Variants in THSD4 observed in about 807,000 individuals in gnomAD.
The protein encoded by THSD4 is thrombospondin type 1 domain containing 4, also known as thrombospondin type-1 domain-containing protein 4.
In THSD4, 69 loss-of-function variants were observed where a neutral mutation model predicts 119.0. The ratio of observed to expected loss-of-function variants is 0.58; its 90% CI spans 0.48 to 0.71. The LOEUF (loss-of-function observed/expected upper bound fraction) is 0.71, where lower values mean the gene tolerates loss of function less well. THSD4 is among the 30% of genes least tolerant of loss of function. THSD4 has a pLI of 0.00. For missense variants in THSD4, 1,393 were observed against 1,391.1 expected, an observed-to-expected ratio of 1.00 and a Z score of -0.02; for synonymous variants, 524 against 540.4, an observed-to-expected ratio of 0.97 and a Z score of 0.42.
chr15:71,189,945 C>T (rs1596258586), intron 3 of THSD4, among the ~76,000 whole-genome samples: 2 of 152,264 alleles, frequency 1.3e-5, no homozygotes, highest in African/African-American at 4.8e-5. Flanking sequence ...TGCTGATGCT[C>T]ATCCCGCCCA....
At chr15:71,708,111 G>C (rs561208591) in intron 8 of THSD4, among the ~76,000 whole-genome samples, 1 of 152,324 alleles carries the variant, frequency 6.6e-6, no homozygotes, top group African/African-American at 2.4e-5. Flanking sequence ...TGTGACTTCT[G>C]TCTGCCCAAC....
chr15:71,356,016 C>T (rs148389868), intron 6 of THSD4, among the ~76,000 whole-genome samples: 2 of 152,076 alleles, frequency 1.3e-5, no homozygotes, highest in South Asian at 2.1e-4. Context: ...TACAGGCGTG[C>T]GTCACCACAC....
At chr15:71,423,222 C>T (rs11072282) in intron 7 of THSD4, among the ~76,000 whole-genome samples, 33,334 of 152,030 alleles carry the variant, frequency 0.22, 4,040 homozygotes, top group Middle Eastern at 0.36. Flanking sequence ...AGACAAAGTC[C>T]CCTTTACTCT....
chr15:71,234,121 C>T (rs933901492), intron 4 of THSD4, among the ~76,000 whole-genome samples: 24 of 152,336 alleles, frequency 1.6e-4, no homozygotes, highest in African/African-American at 5.5e-4. Flanking sequence ...CACCCACTCT[C>T]AGGTGGGCCC....
chr15:71,718,295 A>G (rs2141106629), intron 8 of THSD4, among the ~76,000 whole-genome samples: 1 of 152,224 alleles, frequency 6.6e-6, no homozygotes, highest in East Asian at 1.9e-4. Flanking sequence ...CTACAATGAG[A>G]CCCATTGACA....
intron 1 of THSD4, among the ~76,000 whole-genome samples, chr15:71,135,406 A>G (rs1458736124): frequency 1.3e-5 from 2 of 151,076 alleles, no homozygotes; most frequent in Non-Finnish European, 3.0e-5. Flanking sequence ...AAAAAAAAAA[A>G]AAGAAGAAGC....
intron 8 of THSD4, among the ~76,000 whole-genome samples, chr15:71,662,806 G>A (rs1240615379): frequency 6.6e-6 from 1 of 152,126 alleles, no homozygotes; most frequent in Non-Finnish European, 1.5e-5. Context: ...TTCAGACTCG[G>A]CAGAGCCCCT....
chr15:71,512,379 G>A (rs1457968134), intron 7 of THSD4, among the ~76,000 whole-genome samples: 1 of 152,142 alleles, frequency 6.6e-6, no homozygotes, highest in Non-Finnish European at 1.5e-5. Context: ...GCATTGCAAA[G>A]GTTGAACCAC....
intron 16 of THSD4, among the ~76,000 whole-genome samples, chr15:71,765,790 C>CTGTG (rs59012463): frequency 0.032 from 4,609 of 146,274 alleles, 86 homozygotes; most frequent in Non-Finnish European, 0.04. Context: ...CACACACTCT[C>CTGTG]TGTGTGTGTG....
At chr15:71,759,444 C>T (rs1440837497) in intron 15 of THSD4, among the ~76,000 whole-genome samples, 2 of 152,096 alleles carry the variant, frequency 1.3e-5, no homozygotes, top group African/African-American at 2.4e-5. Context: ...AAGGTTGTTA[C>T]GAGGTTTTCA....
intron 6 of THSD4, chr15:71,341,489 T>C: frequency 6.2e-7 from 1 of 1,613,280 alleles, no homozygotes; most frequent in Non-Finnish European, 8.5e-7. Flanking sequence ...CCAGCCCCAC[T>C]GCTTGGCCTG....
At position 71,728,776 on chromosome 15, in the gene THSD4, C is replaced by G. The variant is rs139779108; in HGVS notation, c.1533+52C>G. 383 of 1,597,696 alleles carry G rather than the reference C, an allele frequency of 2.4e-4. 5 individuals are homozygous for G. The East Asian group carries it at 8.2e-3, about 34-fold the overall frequency. On this transcript the variant is annotated intron_variant, in intron 9 of 17. Coordinates refer to ENST00000261862, the MANE Select transcript of THSD4 (RefSeq NM_024817.3). The stretch of plus-strand genomic sequence containing the variant: ...CTTTGGATTTTGAATCTTGTCACTT[C>G]TAAGGAACATACTCTGAACAAATAA...
chr15:71,262,382 C>T (rs1160541229), intron 6 of THSD4, among the ~76,000 whole-genome samples: 1 of 152,194 alleles, frequency 6.6e-6, no homozygotes, highest in Non-Finnish European at 1.5e-5. Flanking sequence ...TCCCCTTTCA[C>T]TCTCTGTCTT....
At chr15:71,633,698 T>G (rs1380971873) in intron 7 of THSD4, among the ~76,000 whole-genome samples, 5 of 152,238 alleles carry the variant, frequency 3.3e-5, no homozygotes, top group African/African-American at 1.2e-4. Flanking sequence ...GGGTTATGAT[T>G]ATCAAAAATT....
chr15:71,143,192 C>T (rs941972600), intron 2 of THSD4, among the ~76,000 whole-genome samples: 17 of 152,060 alleles, frequency 1.1e-4, no homozygotes, highest in Non-Finnish European at 1.5e-4. Flanking sequence ...TATTGAGCCA[C>T]GAGGAGGACA....
At chr15:71,405,646 C>T (rs929007288) in intron 6 of THSD4, among the ~76,000 whole-genome samples, 5 of 152,028 alleles carry the variant, frequency 3.3e-5, no homozygotes, top group African/African-American at 1.2e-4. Context: ...TCTTTGGTCC[C>T]TTGCATTTTT....
At chr15:71,292,576 C>T (rs545281617) in intron 6 of THSD4, among the ~76,000 whole-genome samples, 7 of 151,582 alleles carry the variant, frequency 4.6e-5, no homozygotes, top group African/African-American at 1.5e-4. Context: ...TAAGACCTTT[C>T]TAGTTTCTGA....
chr15:71,660,526 G>A lies in THSD4; in HGVS notation c.1153-4G>A, dbSNP rs1489282519. On this transcript the variant is annotated splice_polypyrimidine_tract_variant and splice_region_variant and intron_variant, in intron 7 of 17. Transcript: ENST00000261862. Reference sequence around the variant, plus strand: ...TGAGTCTTTTGTTTTCTGTCTTTTTGCAGAGCATTGGCTGTGATGACTACT... The same window carrying A: ...TGAGTCTTTTGTTTTCTGTCTTTTTACAGAGCATTGGCTGTGATGACTACT... The A allele has an allele frequency of 6.2e-7, 1 of 1,613,928 alleles. No homozygotes were observed. The highest frequency in any genetic ancestry group is 1.1e-5 in the South Asian group (1 of 91,060).
intron 7 of THSD4, among the ~76,000 whole-genome samples, chr15:71,548,863 A>G (rs1039655363): frequency 2.0e-5 from 3 of 152,208 alleles, no homozygotes; most frequent in African/African-American, 7.2e-5. Flanking sequence ...TCACCGCTGC[A>G]TGCACATATG....
Sources: allele counts gnomAD v4.1 joint callset (sites outside exome capture counted in the v4.1 genomes callset), GRCh38; gene constraint gnomAD v4.1.1; transcripts MANE v1.5; gene names NCBI Gene and HGNC (gene_info 2026-07-23, HGNC 2026-07-21).